INPP5D: variants seen among roughly 807,000 people sequenced by gnomAD.
INPP5D encodes inositol polyphosphate-5-phosphatase D, also known as phosphatidylinositol 3,4,5-trisphosphate 5-phosphatase 1.
Under a neutral mutation model 122.9 loss-of-function variants are expected in INPP5D, and 33 were observed. That is an observed-to-expected ratio of 0.27 (90% confidence interval 0.20 to 0.36). The LOEUF (loss-of-function observed/expected upper bound fraction) is 0.36, where lower values mean the gene tolerates loss of function less well. Among genes scored for constraint, INPP5D ranks in the 10% least tolerant of loss-of-function variants. The pLI is 1.00. For missense variants in INPP5D, 1,053 were observed against 1,412.7 expected, an observed-to-expected ratio of 0.75 and a Z score of 4.08; for synonymous variants, 584 against 576.2, an observed-to-expected ratio of 1.01 and a Z score of -0.19.
intron 13 of INPP5D, among the ~76,000 whole-genome samples, 189 bp from the exon 14 acceptor site, chr2:233,169,116 G>C (rs1203265724): frequency 6.6e-6 from 1 of 152,042 alleles, no homozygotes; most frequent in Non-Finnish European, 1.5e-5. Context: ...GCCGCCATCT[G>C]CACTGCTCCT....
chr2:233,170,665 A>G lies in INPP5D; in HGVS notation c.1900+61A>G. ...ACACCTGTAATCCCAGCACTTTAGG[A>G]GGCCGAGGCGGGCGGATCACGAGAT... On this transcript the variant is annotated intron_variant, in intron 16 of 26. Coordinates refer to ENST00000445964, the MANE Select transcript of INPP5D (RefSeq NM_001017915.3). The surrounding 1 kb of genome is among the most constrained non-coding windows in gnomAD (Gnocchi z 4.5). 1 of 1,587,840 alleles carries G rather than the reference A, an allele frequency of 6.3e-7. No individual in the cohort carries two copies. The highest frequency in any genetic ancestry group is 1.7e-5 in the Admixed American group (1 of 58,706).
intron 2 of INPP5D, among the ~76,000 whole-genome samples, chr2:233,119,585 T>C (rs1692906073): frequency 1.4e-5 from 2 of 138,578 alleles, no homozygotes; most frequent in Middle Eastern, 7.1e-3. Flanking sequence ...CTTAACTCTC[T>C]ATAAATTTAC....
At chr2:233,090,806 A>C (rs1291572618) in intron 2 of INPP5D, among the ~76,000 whole-genome samples, 2 of 152,044 alleles carry the variant, frequency 1.3e-5, no homozygotes, top group East Asian at 3.9e-4. Context: ...AAAAATACAA[A>C]AATAGCCGGG....
Position 233,082,285 on chromosome 2 carries a change from C to A in INPP5D, c.198+2887C>A, listed in dbSNP as rs75008620. Reference sequence around the variant, plus strand: ...ACGTCCACTGAGGACCAAGTGCACACTCATGCCCAATTAAGCAGACTCAGA... The same window carrying A: ...ACGTCCACTGAGGACCAAGTGCACAATCATGCCCAATTAAGCAGACTCAGA... On this transcript the variant is annotated intron_variant, in intron 2 of 26. Transcript: ENST00000445964. The surrounding 1 kb of genome is among the most constrained non-coding windows in gnomAD (Gnocchi z 4.7). Among the ~76,000 whole-genome samples the A allele has an allele frequency of 2.6e-5, 4 of 152,198 alleles. No homozygotes were observed. Among genetic ancestry groups the A allele is most frequent in the Non-Finnish European group, 5.9e-5 (4 of 68,042 alleles).
At chr2:233,135,633 A>T (rs1329952433) in intron 5 of INPP5D, among the ~76,000 whole-genome samples, 1 of 149,400 alleles carries the variant, frequency 6.7e-6, no homozygotes, top group Admixed American at 6.7e-5. Context: ...TTTTATATTT[A>T]ATATATTTAA....
intron 2 of INPP5D, among the ~76,000 whole-genome samples, chr2:233,086,130 TTTC>T (rs1559282248): frequency 2.7e-5 from 3 of 112,096 alleles, no homozygotes; most frequent in Non-Finnish European, 5.5e-5. Context: ...TCTTTCTTTC[TTTC>T]TTTCTTTCTT....
chr2:233,142,104 C>T (rs1409332189), intron 6 of INPP5D, among the ~76,000 whole-genome samples: 1 of 152,194 alleles, frequency 6.6e-6, no homozygotes, highest in Non-Finnish European at 1.5e-5. Context: ...GAAAAAGCCT[C>T]GTGAGAGAGG....
chr2:233,108,840 G>A (rs1691507503), intron 2 of INPP5D, among the ~76,000 whole-genome samples: 1 of 152,156 alleles, frequency 6.6e-6, no homozygotes, highest in South Asian at 2.1e-4. Flanking sequence ...AGAACACCAG[G>A]GTCACTGTCC....
At chr2:233,204,796 ATGTGTGTGCATG>A (rs909707645) in intron 26 of INPP5D, 79 bp downstream of exon 26, 7 of 1,240,914 alleles carry the variant, frequency 5.6e-6, no homozygotes, top group Admixed American at 3.2e-5. Context: ...ACCTATGCAT[ATGTGTGTGCATG>A]TGTGTGTGCA....
At chr2:233,060,700 A>G (rs1691048179) in intron 1 of INPP5D, 88 bp downstream of exon 1, 2 of 1,527,174 alleles carry the variant, frequency 1.3e-6, no homozygotes, top group African/African-American at 1.4e-5. Context: ...TTCTTATGTC[A>G]CAGGACAGAG....
intron 1 of INPP5D, among the ~76,000 whole-genome samples, chr2:233,066,813 C>A (rs72982227): frequency 6.6e-6 from 1 of 151,688 alleles, no homozygotes; most frequent in Non-Finnish European, 1.5e-5. Context: ...CATCTCACCC[C>A]TGTTGCCCAG....
intron 9 of INPP5D, among the ~76,000 whole-genome samples, chr2:233,152,053 G>A (rs1035777252): frequency 1.3e-5 from 2 of 152,186 alleles, no homozygotes; most frequent in Admixed American, 6.5e-5. Flanking sequence ...AGGTAAACCG[G>A]ATGCATGTGT....
In INPP5D at chr2:233,100,553, C is replaced by T. The variant is rs1045092138; in HGVS notation, c.198+21155C>T. On this transcript the variant is annotated intron_variant, in intron 2 of 26. Transcript: ENST00000445964. This position sits in a 1 kb window ranked among gnomAD's most constrained non-coding sequence, Gnocchi z 5.3. ...GCCTGCCCTCAGGTGTCCTGGCTCT[C>T]TCCTCTCAGCATCCCCCATGGACTC... Among the ~76,000 whole-genome samples the T allele has an allele frequency of 6.6e-6, 1 of 152,220 alleles. No individual in the cohort carries two copies. The highest frequency in any genetic ancestry group is 2.4e-5 in the African/African-American group (1 of 41,450).
intron 2 of INPP5D, among the ~76,000 whole-genome samples, chr2:233,113,705 G>A (rs1692698788): frequency 6.6e-6 from 1 of 152,144 alleles, no homozygotes; most frequent in Admixed American, 6.5e-5. Flanking sequence ...TGTCGACCGT[G>A]CCCTGTTCGA....
At chr2:233,102,771 AC>A (rs1692350320) in intron 2 of INPP5D, among the ~76,000 whole-genome samples, 1 of 148,778 alleles carries the variant, frequency 6.7e-6, no homozygotes, top group South Asian at 2.1e-4. Context: ...AATGGCATGA[AC>A]CCGGGAAGCG....
chr2:233,138,912 A>ATTTTTT (rs759201099), intron 5 of INPP5D, among the ~76,000 whole-genome samples: 2 of 140,434 alleles, frequency 1.4e-5, no homozygotes, highest in East Asian at 2.1e-4. Flanking sequence ...CACCTGGCTA[A>ATTTTTT]TTTTTTTTTT....
At chr2:233,157,209 A>G (rs1036814354) in intron 9 of INPP5D, among the ~76,000 whole-genome samples, 6 of 152,202 alleles carry the variant, frequency 3.9e-5, no homozygotes, top group African/African-American at 1.4e-4. Context: ...CAAGAAGAGG[A>G]AGACCTGGGG....
rs757810007 is a variant in INPP5D, at chr2:233,146,401, C to T, written c.869C>T (p.Pro290Leu). ...TTGCTGCACGAGGGTCCTGAGTCTC[C>T]GCACCGGCCCTCCCTTATCCCTCCA... Reference protein sequence around the residue: ...KALLHEGPESPHRPSLIPPVT... With the variant: ...KALLHEGPESLHRPSLIPPVT... Residue 290 changes from proline to leucine, a missense_variant, in exon 8 of 27, where the codon CCG becomes CTG. By Grantham distance (98) the Pro-to-Leu change is moderately conservative. Coordinates refer to ENST00000445964, the MANE Select transcript of INPP5D (RefSeq NM_001017915.3). 8 of 704,308 alleles carry T rather than the reference C, an allele frequency of 1.1e-5. No individual in the cohort carries two copies. The highest frequency in any genetic ancestry group is 2.0e-5 in the Admixed American group (1 of 50,016). The allele number at this position is 704,308 out of a possible 1,614,324, so 43.6% of individuals were successfully genotyped here. A position where few individuals can be genotyped will look rare whatever the true frequency, so the allele number is the denominator to read the frequency against.
At chr2:233,137,140 T>C (rs1356025551) in intron 5 of INPP5D, among the ~76,000 whole-genome samples, 2 of 152,200 alleles carry the variant, frequency 1.3e-5, no homozygotes, top group African/African-American at 4.8e-5. Context: ...TCTCTATCTC[T>C]GATTTCACTT....
Sources: allele counts gnomAD v4.1 joint callset (sites outside exome capture counted in the v4.1 genomes callset), GRCh38; gene constraint gnomAD v4.1.1; non-coding constraint Gnocchi (gnomAD v3.1); transcripts MANE v1.5; gene names NCBI Gene and HGNC (gene_info 2026-07-23, HGNC 2026-07-21).